TMEM108: variants seen among roughly 807,000 people sequenced by gnomAD.
The protein encoded by TMEM108 is cancer/testis antigen 124.
A neutral mutation model predicts 35.1 loss-of-function variants in TMEM108; 12 were observed. That is an observed-to-expected ratio of 0.34 (90% CI 0.22 to 0.55). The LOEUF (loss-of-function observed/expected upper bound fraction) is 0.55, where lower values mean the gene tolerates loss of function less well. TMEM108 is among the 20% of genes least tolerant of loss of function. TMEM108 has a pLI of 0.89. For missense variants in TMEM108, 680 were observed against 753.3 expected (o/e 0.90, Z 1.14); for synonymous variants, 287 against 308.6 (o/e 0.93, Z 0.73).
At chr3:133,072,553 C>T (rs973324679) in intron 2 of TMEM108, among the ~76,000 whole-genome samples, 1 of 152,074 alleles carries the variant, frequency 6.6e-6, no homozygotes, top group African/African-American at 2.4e-5. Flanking sequence ...ACAGAATACA[C>T]GTGGCCAAAG....
chr3:133,170,360 A>C (rs2107789571), intron 2 of TMEM108, among the ~76,000 whole-genome samples: 1 of 152,334 alleles, frequency 6.6e-6, no homozygotes, highest in Admixed American at 6.5e-5. Flanking sequence ...CAGTTAAAAA[A>C]ACTTGAAATT....
chr3:133,073,510 C>CTCTCTCTATATATA lies in TMEM108; in HGVS notation c.-47+27491_-47+27492insCTCTCTATATATAT. ...TCTCTCTCTCTCTCTCTCTCTCTCTCTATATATATATATATATATATATAT... is the reference window on the plus strand; with the variant it reads ...TCTCTCTCTCTCTCTCTCTCTCTCTCTCTCTCTATATATATATATATATATATATATATATATAT... On this transcript the variant is annotated intron_variant, in intron 2 of 5. Coordinates refer to ENST00000321871, the MANE Select transcript of TMEM108 (RefSeq NM_023943.4). Among the ~76,000 whole-genome samples, 390 of 43,808 alleles carry CTCTCTCTATATATA rather than the reference C, an allele frequency of 8.9e-3. 1 individual carries two copies. The highest frequency in any genetic ancestry group is 0.012 in the Non-Finnish European group (304 of 25,726). 28.7% of individuals were successfully genotyped at this position (43,808 alleles called of 152,430 possible). A position where few individuals can be genotyped will look rare whatever the true frequency, so the allele number is the denominator to read the frequency against.
At chr3:133,352,332 T>G (rs910294457) in intron 3 of TMEM108, among the ~76,000 whole-genome samples, 1 of 152,200 alleles carries the variant, frequency 6.6e-6, no homozygotes, top group African/African-American at 2.4e-5. Flanking sequence ...ACACAACTCT[T>G]CTGACATCAA....
chr3:133,135,096 T>C (rs1944545864), intron 2 of TMEM108, among the ~76,000 whole-genome samples: 1 of 152,190 alleles, frequency 6.6e-6, no homozygotes. Context: ...TTTTCCCATC[T>C]GTTTATCAAT....
chr3:133,063,343 T>A (rs1943557255), intron 2 of TMEM108, among the ~76,000 whole-genome samples: 1 of 152,032 alleles, frequency 6.6e-6, no homozygotes, highest in African/African-American at 2.4e-5. Context: ...TGATTTTGTG[T>A]GAATCAAAGG....
chr3:133,332,001 T>G (rs746797508), intron 3 of TMEM108, among the ~76,000 whole-genome samples: 1 of 152,158 alleles, frequency 6.6e-6, no homozygotes, highest in Non-Finnish European at 1.5e-5. Context: ...CTACAGCACA[T>G]TCTTGTGCTT....
intron 2 of TMEM108, among the ~76,000 whole-genome samples, chr3:133,109,822 T>G (rs764581159): frequency 7.2e-4 from 109 of 152,350 alleles, no homozygotes; most frequent in African/African-American, 2.5e-3. Flanking sequence ...AATTATGATT[T>G]GTAGCATATT....
At position 133,083,305 on chromosome 3, in the gene TMEM108, C is replaced by A. The variant is rs111244004; in HGVS notation, c.-47+37285C>A. Among the ~76,000 whole-genome samples the A allele has an allele frequency of 1.0e-2, 1,520 of 152,214 alleles. 11 individuals are homozygous for A. The highest frequency in any genetic ancestry group is 0.016 in the Non-Finnish European group (1,081 of 68,016). On this transcript the variant is annotated intron_variant, in intron 2 of 5. Transcript: ENST00000321871. ...GAAACTGTCCCTCACTCCTCATCCC[C>A]CTCCCAGCACCTCACACATACTGAG... is the stretch of plus-strand genomic sequence containing the variant.
At chr3:133,314,536 A>T (rs1437618772) in intron 3 of TMEM108, among the ~76,000 whole-genome samples, 1 of 152,092 alleles carries the variant, frequency 6.6e-6, no homozygotes, top group Non-Finnish European at 1.5e-5. Flanking sequence ...CTCATTAAGA[A>T]CCCTCATTCT....
At chr3:133,287,315 C>A (rs186488523) in intron 3 of TMEM108, among the ~76,000 whole-genome samples, 1 of 152,234 alleles carries the variant, frequency 6.6e-6, no homozygotes, top group Admixed American at 6.5e-5. Flanking sequence ...GTATGAGTGA[C>A]CTCAGTTAAT....
At chr3:133,228,874 GT>G (rs1010537451) in intron 2 of TMEM108, among the ~76,000 whole-genome samples, 6 of 152,122 alleles carry the variant, frequency 3.9e-5, no homozygotes, top group Non-Finnish European at 7.4e-5. Flanking sequence ...TTTCTGGCTT[GT>G]TTTTTGTTTG....
intron 3 of TMEM108, among the ~76,000 whole-genome samples, chr3:133,248,855 A>T (rs371847387): frequency 3.3e-5 from 5 of 152,198 alleles, no homozygotes; most frequent in East Asian, 1.9e-4. Context: ...TGGGGAAAGA[A>T]ATCTGGCTTC....
chr3:133,081,553 C>A (rs1162913972), intron 2 of TMEM108, among the ~76,000 whole-genome samples: 1 of 152,190 alleles, frequency 6.6e-6, no homozygotes, highest in Non-Finnish European at 1.5e-5. Context: ...TCAATCCATT[C>A]TTGCTATATG....
At chr3:133,199,430 G>A (rs751195854) in intron 2 of TMEM108, among the ~76,000 whole-genome samples, 21 of 152,096 alleles carry the variant, frequency 1.4e-4, no homozygotes, top group Non-Finnish European at 2.9e-4. Flanking sequence ...ATCTACCTTT[G>A]GTCTTTGATG....
intron 2 of TMEM108, among the ~76,000 whole-genome samples, chr3:133,095,582 C>T (rs1027004955): frequency 6.6e-6 from 1 of 152,048 alleles, no homozygotes; most frequent in South Asian, 2.1e-4. Context: ...TTTTCTGCAA[C>T]TAGATGGTCT....
intron 2 of TMEM108, among the ~76,000 whole-genome samples, chr3:133,205,671 C>T (rs1026215476): frequency 5.3e-5 from 8 of 152,192 alleles, no homozygotes; most frequent in Admixed American, 6.5e-5. Flanking sequence ...AAGATTGCTG[C>T]TAGTCTGATG....
chr3:133,274,609 T>C (rs1298209411), intron 3 of TMEM108, among the ~76,000 whole-genome samples: 2 of 152,244 alleles, frequency 1.3e-5, no homozygotes, highest in East Asian at 3.8e-4. Flanking sequence ...TCTGTGAATT[T>C]ATCTAAAGAC....
chr3:133,354,002 C>A (rs111697476), intron 3 of TMEM108, among the ~76,000 whole-genome samples: 25 of 152,316 alleles, frequency 1.6e-4, no homozygotes, highest in African/African-American at 6.0e-4. Flanking sequence ...AGCAATAAGG[C>A]TGCAGGAGGC....
At chr3:133,075,566 CTGT>C (rs1173068511) in intron 2 of TMEM108, among the ~76,000 whole-genome samples, 2 of 152,146 alleles carry the variant, frequency 1.3e-5, no homozygotes, top group African/African-American at 2.4e-5. Context: ...CACTAGTTTT[CTGT>C]TGTTGTCCTT....
Sources: allele counts gnomAD v4.1 joint callset (sites outside exome capture counted in the v4.1 genomes callset), GRCh38; gene constraint gnomAD v4.1.1; transcripts MANE v1.5; gene names NCBI Gene and HGNC (gene_info 2026-07-23, HGNC 2026-07-21).